Variants in WASF2 observed in about 807,000 individuals in gnomAD.
WASF2 encodes the protein actin-binding protein WASF2.
Under a neutral mutation model 45.0 loss-of-function variants are expected in WASF2, and 14 were observed. That is an observed-to-expected ratio of 0.31 (90% CI 0.21 to 0.49). The LOEUF (loss-of-function observed/expected upper bound fraction) is 0.49. Among genes scored for constraint, WASF2 ranks in the 20% least tolerant of loss-of-function variants. WASF2 has a pLI of 0.99. For synonymous variants in WASF2, 200 were observed against 236.3 expected, an observed-to-expected ratio of 0.85 and a Z score of 1.41; for missense variants, 439 against 636.1, an observed-to-expected ratio of 0.69 and a Z score of 3.33.
chr1:27,425,711 C>T (rs896236834), intron 2 of WASF2, among the ~76,000 whole-genome samples: 5 of 151,958 alleles, frequency 3.3e-5, no homozygotes, highest in Non-Finnish European at 7.4e-5. Flanking sequence ...TGGTGGCGGG[C>T]GCCTGTAGTC....
At chr1:27,423,140 C>CA (rs35025475) in intron 2 of WASF2, among the ~76,000 whole-genome samples, 1,239 of 103,218 alleles carry the variant, frequency 0.012, 24 homozygotes, top group African/African-American at 0.041. Flanking sequence ...GACTCCATCT[C>CA]AAAAAAAAAA....
Position 27,430,766 on chromosome 1 carries a change from T to C in WASF2, c.-43-1833A>G, listed in dbSNP as rs145257593. On this transcript the variant is annotated intron_variant, in intron 1 of 8. Transcript: ENST00000618852. ...GATCCTCCTACCTTAGCTTTCCGAA[T>C]AGCTGGGCCAAGTCCCCAATATTAT... Among the ~76,000 whole-genome samples the C allele has an allele frequency of 3.5e-3, 522 of 150,332 alleles. 2 individuals are homozygous for C. The highest frequency in any genetic ancestry group is 0.012 in the African/African-American group (497 of 40,752).
At chr1:27,463,500 G>A (rs2017574775) in intron 1 of WASF2, among the ~76,000 whole-genome samples, 1 of 151,500 alleles carries the variant, frequency 6.6e-6, no homozygotes, top group Non-Finnish European at 1.5e-5. Flanking sequence ...GCGGGTGCCT[G>A]TAGTCCCAGC....
At chr1:27,423,940 G>T (rs911142782) in intron 2 of WASF2, among the ~76,000 whole-genome samples, 2 of 151,844 alleles carry the variant, frequency 1.3e-5, no homozygotes, top group African/African-American at 2.4e-5. Flanking sequence ...ATTTTTTAAT[G>T]ACCCAAGTGG....
At chr1:27,451,777 T>C (rs1380182876) in intron 1 of WASF2, among the ~76,000 whole-genome samples, 4 of 152,200 alleles carry the variant, frequency 2.6e-5, no homozygotes, top group African/African-American at 7.2e-5. Context: ...CCTTGAACAA[T>C]TAAATTACAG....
chr1:27,465,840 G>C (rs2017605596), intron 1 of WASF2, among the ~76,000 whole-genome samples: 1 of 152,176 alleles, frequency 6.6e-6, no homozygotes, highest in Admixed American at 6.5e-5. Flanking sequence ...GGAAAGGGCA[G>C]AAAATGTACA....
At chr1:27,467,228 A>C (rs917166671) in intron 1 of WASF2, among the ~76,000 whole-genome samples, 4 of 150,482 alleles carry the variant, frequency 2.7e-5, no homozygotes. Flanking sequence ...AAAAAAAAAA[A>C]AAAACCAAAA....
In WASF2 at chr1:27,488,978, G is replaced by A. The variant is rs531288433; in HGVS notation, c.-44+1008C>T. ...CTAAGCAAGGGTTGACACCTAGTAG[G>A]GCTGCCATAAAAGTTCTTCCTCTTC... On this transcript the variant is annotated intron_variant, in intron 1 of 8. Coordinates refer to ENST00000618852, the MANE Select transcript of WASF2 (RefSeq NM_006990.5). Among the ~76,000 whole-genome samples the A allele has an allele frequency of 8.5e-5, 13 of 152,168 alleles. No homozygotes were observed. In the South Asian group the frequency reaches 2.7e-3, roughly 32 times the overall value.
At chr1:27,451,557 G>A (rs2017383655) in intron 1 of WASF2, among the ~76,000 whole-genome samples, 1 of 152,160 alleles carries the variant, frequency 6.6e-6, no homozygotes, top group African/African-American at 2.4e-5. Context: ...ATTTAAGATT[G>A]AGGCCAGAGA....
chr1:27,424,367 T>G (rs567622244), intron 2 of WASF2, among the ~76,000 whole-genome samples: 120 of 152,362 alleles, frequency 7.9e-4, no homozygotes, highest in Middle Eastern at 3.4e-3. Flanking sequence ...CAGAAAGTAT[T>G]CTTTCCATTC....
chr1:27,427,556 C>G (rs529975667), intron 2 of WASF2, among the ~76,000 whole-genome samples: 1 of 152,262 alleles, frequency 6.6e-6, no homozygotes, highest in East Asian at 1.9e-4. Context: ...CAGGCACTGG[C>G]AGGGTTTCAT....
chr1:27,474,530 G>A (rs979355171), intron 1 of WASF2, among the ~76,000 whole-genome samples: 2 of 152,006 alleles, frequency 1.3e-5, no homozygotes, highest in African/African-American at 2.4e-5. Context: ...CCAGCACTTT[G>A]GGAGGCTGAG....
At chr1:27,428,611 C>T in intron 2 of WASF2, 150 bp downstream of exon 2, 1 of 1,166,780 alleles carries the variant, frequency 8.6e-7, no homozygotes, top group African/African-American at 1.5e-5. Context: ...CAAAAGGGAG[C>T]CTCTCTTTGG....
intron 1 of WASF2, among the ~76,000 whole-genome samples, chr1:27,449,350 C>A (rs2017351672): frequency 6.6e-6 from 1 of 152,164 alleles, no homozygotes; most frequent in African/African-American, 2.4e-5. Flanking sequence ...ATAATCCCAG[C>A]ACTTTGGGAG....
In WASF2 at chr1:27,412,572, C is replaced by T; in HGVS notation, c.824G>A (p.Ser275Asn). The change falls in exon 7 of 9, where the codon AGT becomes AAT. Residue 275 changes from serine to asparagine, a missense_variant and splice_region_variant. By Grantham distance (46) the Ser-to-Asn change is conservative (BLOSUM62 1). Coordinates refer to ENST00000618852, the MANE Select transcript of WASF2 (RefSeq NM_006990.5). ...GGATGGAGTAGGTACCACCATTTACCTGAATTCTGCTGGTGGAGGAGGCAA... is the reference window on the plus strand; with the variant it reads ...GGATGGAGTAGGTACCACCATTTACTTGAATTCTGCTGGTGGAGGAGGCAA... ...DNLPPPPAEF[S>N]YPVDNQRGSG... 6.2e-7 allele frequency: 1 copy of T among 1,614,158 alleles called. No individual in the cohort carries two copies. The highest frequency in any genetic ancestry group is 8.5e-7 in the Non-Finnish European group (1 of 1,180,036).
intron 1 of WASF2, among the ~76,000 whole-genome samples, chr1:27,466,491 C>T (rs1422415804): frequency 6.6e-6 from 1 of 152,208 alleles, no homozygotes; most frequent in Non-Finnish European, 1.5e-5. Flanking sequence ...TGCATACATG[C>T]AGCTATGGAG....
At position 27,414,177 on chromosome 1, in the gene WASF2, C is replaced by T. The variant is rs576630084; in HGVS notation, c.668+656G>A. ...CTTTGAATGTCAACCAGGTCAGACA[C>T]CAGGATAAGCATCAAACCAAGCTTT... is the stretch of plus-strand genomic sequence containing the variant. On this transcript the variant is annotated intron_variant, in intron 6 of 8. Coordinates refer to ENST00000618852, the MANE Select transcript of WASF2 (RefSeq NM_006990.5). This position sits in a 1 kb window ranked among gnomAD's most constrained non-coding sequence, Gnocchi z 4.1. Among the ~76,000 whole-genome samples the T allele has an allele frequency of 3.2e-4, 48 of 152,302 alleles. No individual in the cohort carries two copies. The highest frequency in any genetic ancestry group is 5.7e-4 in the Non-Finnish European group (39 of 68,032).
chr1:27,474,337 C>T (rs1181103108), intron 1 of WASF2, among the ~76,000 whole-genome samples: 1 of 152,034 alleles, frequency 6.6e-6, no homozygotes, highest in Non-Finnish European at 1.5e-5. Context: ...TTCCCATTTA[C>T]TTAAAAATAA....
At chr1:27,427,302 A>G (rs1259293814) in intron 2 of WASF2, among the ~76,000 whole-genome samples, 1 of 152,242 alleles carries the variant, frequency 6.6e-6, no homozygotes, top group Non-Finnish European at 1.5e-5. Context: ...CTGGAAAAAT[A>G]GCTGAGAGAG....
Sources: allele counts gnomAD v4.1 joint callset (sites outside exome capture counted in the v4.1 genomes callset), GRCh38; gene constraint gnomAD v4.1.1; non-coding constraint Gnocchi (gnomAD v3.1); transcripts MANE v1.5; gene names NCBI Gene and HGNC (gene_info 2026-07-23, HGNC 2026-07-21).